Variants in SNTB1 observed in about 807,000 individuals in gnomAD.
SNTB1 encodes the protein beta-1-syntrophin.
SNTB1 carries 36 observed loss-of-function variants against 48.9 expected under a neutral mutation model. The ratio of observed to expected loss-of-function variants is 0.74; its 90% CI spans 0.56 to 0.97. The LOEUF (loss-of-function observed/expected upper bound fraction) is 0.97, where lower values mean the gene tolerates loss of function less well. Ranked by LOEUF, SNTB1 falls within the 50% of genes least tolerant of loss-of-function variation. The pLI, the probability that SNTB1 is intolerant of heterozygous loss-of-function variation, is 0.00. For missense variants in SNTB1, 786 were observed against 703.4 expected (o/e 1.12, Z -1.33); for synonymous variants, 299 against 294.6 (o/e 1.01, Z -0.15).
At chr8:120,647,528 A>T (rs1296792782) in intron 2 of SNTB1, among the ~76,000 whole-genome samples, 1 of 148,846 alleles carries the variant, frequency 6.7e-6, no homozygotes, top group Non-Finnish European at 1.5e-5. Context: ...GTGGTCTGAG[A>T]GATAGTTTGT....
chr8:120,574,865 G>A (rs1815925324), intron 4 of SNTB1, among the ~76,000 whole-genome samples: 1 of 152,216 alleles, frequency 6.6e-6, no homozygotes, highest in Non-Finnish European at 1.5e-5. Flanking sequence ...ACTGTTTCTT[G>A]ATGATGGACG....
intron 1 of SNTB1, among the ~76,000 whole-genome samples, chr8:120,797,392 A>C (rs1222952293): frequency 6.6e-6 from 1 of 152,034 alleles, no homozygotes; most frequent in East Asian, 1.9e-4. Context: ...TCGGGACAGC[A>C]CATATGACTT....
chr8:120,757,225 C>A (rs1161145315), intron 1 of SNTB1, among the ~76,000 whole-genome samples: 4 of 152,070 alleles, frequency 2.6e-5, no homozygotes, highest in Non-Finnish European at 4.4e-5. Context: ...TCGGGTTTCC[C>A]AAACCTGTTT....
intron 3 of SNTB1, among the ~76,000 whole-genome samples, chr8:120,582,572 T>C (rs753354625): frequency 6.6e-6 from 1 of 152,040 alleles, no homozygotes; most frequent in Non-Finnish European, 1.5e-5. Context: ...ACACAAATTA[T>C]GAATATCAGA....
rs117259442 is a variant in SNTB1, at chr8:120,795,994, G to A, written c.571+15279C>T. 5.7e-4 allele frequency among the ~76,000 whole-genome samples: 87 copies of A among 152,068 alleles called. 1 individual carries two copies. The East Asian group carries it at 0.011, about 20-fold the overall frequency. ...TGATGACATAGTTTGAATCTGTGCC[G>A]CCGCCTAAATCTCATGTCAATTTGT... On this transcript the variant is annotated intron_variant, in intron 1 of 6. Coordinates refer to ENST00000517992, the MANE Select transcript of SNTB1 (RefSeq NM_021021.4).
At chr8:120,630,706 T>G (rs553540250) in intron 3 of SNTB1, among the ~76,000 whole-genome samples, 1 of 152,308 alleles carries the variant, frequency 6.6e-6, no homozygotes, top group African/African-American at 2.4e-5. Context: ...CACCTGATTT[T>G]TTCCATTAGA....
intron 2 of SNTB1, among the ~76,000 whole-genome samples, chr8:120,687,958 A>G (rs73708637): frequency 0.022 from 3,279 of 152,308 alleles, 110 homozygotes; most frequent in African/African-American, 0.074. Context: ...TTGTGGTGAC[A>G]TCACTAAGGG....
At position 120,706,699 on chromosome 8, in the gene SNTB1, GA is replaced by G. The variant is rs145471386; in HGVS notation, c.572-12792del. On this transcript the variant is annotated intron_variant, in intron 1 of 6. Coordinates refer to ENST00000517992, the MANE Select transcript of SNTB1 (RefSeq NM_021021.4). ...GCTAGACAGAAGATCACATGTGAAT[GA>G]AACTTTACGTCAAAAGCAGGAAGTG... 3.7e-3 allele frequency among the ~76,000 whole-genome samples: 564 copies of G among 152,300 alleles called. 4 individuals are homozygous for G. The highest frequency in any genetic ancestry group is 0.013 in the African/African-American group (537 of 41,564).
At chr8:120,573,609 C>T (rs531985544) in intron 4 of SNTB1, among the ~76,000 whole-genome samples, 1 of 152,168 alleles carries the variant, frequency 6.6e-6, no homozygotes, top group South Asian at 2.1e-4. Flanking sequence ...TAAATCATTG[C>T]CAAGGCCAAT....
intron 1 of SNTB1, among the ~76,000 whole-genome samples, chr8:120,805,638 A>T (rs1230435902): frequency 6.6e-6 from 1 of 152,250 alleles, no homozygotes; most frequent in Admixed American, 6.5e-5. Flanking sequence ...GACCTGTGTC[A>T]GACTTCGGAC....
At chr8:120,772,874 G>T (rs1195709740) in intron 1 of SNTB1, among the ~76,000 whole-genome samples, 1 of 152,108 alleles carries the variant, frequency 6.6e-6, no homozygotes, top group Non-Finnish European at 1.5e-5. Flanking sequence ...GAAAAAAGAT[G>T]CTGCCATGAG....
chr8:120,605,897 T>C (rs1232005611), intron 3 of SNTB1, among the ~76,000 whole-genome samples: 1 of 152,044 alleles, frequency 6.6e-6, no homozygotes, highest in Non-Finnish European at 1.5e-5. Context: ...GTACAACATT[T>C]AGCTACAGAC....
intron 4 of SNTB1, among the ~76,000 whole-genome samples, chr8:120,550,542 TAAAA>T (rs11445916): frequency 7.9e-6 from 1 of 126,672 alleles, no homozygotes; most frequent in African/African-American, 2.9e-5. Flanking sequence ...ACTCTGTCTT[TAAAA>T]AAAAAAAAAA....
At chr8:120,649,188 A>G (rs1252351268) in intron 2 of SNTB1, among the ~76,000 whole-genome samples, 1 of 150,924 alleles carries the variant, frequency 6.6e-6, no homozygotes, top group Non-Finnish European at 1.5e-5. Context: ...TTCTCCATCC[A>G]GCTTTGTTCC....
chr8:120,733,344 G>T (rs746352003), intron 1 of SNTB1, among the ~76,000 whole-genome samples: 5 of 152,220 alleles, frequency 3.3e-5, no homozygotes, highest in Non-Finnish European at 5.9e-5. Context: ...GCTGGCAATT[G>T]GTGGTCCACG....
At chr8:120,619,440 T>C (rs997237348) in intron 3 of SNTB1, among the ~76,000 whole-genome samples, 2 of 152,182 alleles carry the variant, frequency 1.3e-5, no homozygotes, top group African/African-American at 4.8e-5. Context: ...TAATATGTTC[T>C]TTATTTCAGG....
At chr8:120,650,478 C>A (rs752038668) in intron 2 of SNTB1, among the ~76,000 whole-genome samples, 3 of 151,574 alleles carry the variant, frequency 2.0e-5, no homozygotes, top group Non-Finnish European at 4.4e-5. Flanking sequence ...TTTTCCCTCA[C>A]CCCCAACAAA....
At chr8:120,790,486 C>T (rs1383479441) in intron 1 of SNTB1, among the ~76,000 whole-genome samples, 1 of 151,810 alleles carries the variant, frequency 6.6e-6, no homozygotes, top group Admixed American at 6.6e-5. Flanking sequence ...GTAGAAATCC[C>T]TAAAAACTCT....
chr8:120,608,999 G>A (rs1296391223), intron 3 of SNTB1, among the ~76,000 whole-genome samples: 4 of 152,170 alleles, frequency 2.6e-5, no homozygotes, highest in Admixed American at 6.5e-5. Context: ...TAAGATAGGA[G>A]TGCAGTAAAA....
Sources: allele counts gnomAD v4.1 joint callset (sites outside exome capture counted in the v4.1 genomes callset), GRCh38; gene constraint gnomAD v4.1.1; transcripts MANE v1.5; gene names NCBI Gene and HGNC (gene_info 2026-07-23, HGNC 2026-07-21).